Variants in TBC1D19 observed in about 807,000 individuals in gnomAD.
The protein encoded by TBC1D19 is TBC1 domain family member 19.
A neutral mutation model predicts 89.0 loss-of-function variants in TBC1D19; 60 were observed. That is an observed-to-expected ratio of 0.67 (90% CI 0.55 to 0.84). The LOEUF (loss-of-function observed/expected upper bound fraction) is 0.84. TBC1D19 is among the 40% of genes least tolerant of loss of function. The pLI, the probability that TBC1D19 is intolerant of heterozygous loss-of-function variation, is 0.00. For missense variants in TBC1D19, 500 were observed against 610.8 expected (o/e 0.82, Z 1.91); for synonymous variants, 189 against 199.7 (o/e 0.95, Z 0.45).
chr4:26,778,284 C>T, the TBC1D19 span, among the ~76,000 whole-genome samples: 283 of 151,918 alleles, frequency 1.9e-3, 1 homozygote, highest in African/African-American at 6.5e-3. Context: ...GGCATGGTGG[C>T]GGGAGCCTGT....
chr4:26,694,784 G>T (rs1291058173), intron 13 of TBC1D19, among the ~76,000 whole-genome samples: 1 of 152,214 alleles, frequency 6.6e-6, no homozygotes, highest in Admixed American at 6.5e-5. Flanking sequence ...GGCAAACAGG[G>T]TCTGGAGTGG....
chr4:26,581,773 C>T (rs929457920), upstream of TBC1D19, among the ~76,000 whole-genome samples: 1 of 152,154 alleles, frequency 6.6e-6, no homozygotes, highest in Non-Finnish European at 1.5e-5. Flanking sequence ...TCCTTTGGGA[C>T]TGAAATTTCT....
the TBC1D19 span, among the ~76,000 whole-genome samples, chr4:26,834,227 C>T: frequency 6.6e-6 from 1 of 152,188 alleles, no homozygotes; most frequent in African/African-American, 2.4e-5. Flanking sequence ...GCCAATTAAA[C>T]CTCTTTTCTT....
At chr4:26,695,312 G>T (rs58544944) in intron 13 of TBC1D19, among the ~76,000 whole-genome samples, 5 of 152,154 alleles carry the variant, frequency 3.3e-5, no homozygotes, top group African/African-American at 1.2e-4. Context: ...AGAGAAAAAA[G>T]AATAAAAAGA....
At position 26,645,208 on chromosome 4, in the gene TBC1D19, A is replaced by T. The variant is rs565034023; in HGVS notation, c.480+5021A>T. ...GCCCGCAGTGCCAAGACAATCCTAA[A>T]CAAAAAGAACAAAGCTGGAGGCATC... is the stretch of plus-strand genomic sequence containing the variant. On this transcript the variant is annotated intron_variant, in intron 7 of 20. Coordinates refer to ENST00000264866, the MANE Select transcript of TBC1D19 (RefSeq NM_018317.4). Among the ~76,000 whole-genome samples, 17 of 152,260 alleles carry T rather than the reference A, an allele frequency of 1.1e-4. No homozygotes were observed. The South Asian group carries it at 3.5e-3, about 32-fold the overall frequency.
At position 26,735,989 on chromosome 4, in the gene TBC1D19, G is replaced by A. The variant is rs992067548; in HGVS notation, c.1117+502G>A. On this transcript the variant is annotated intron_variant, in intron 16 of 20. Coordinates refer to ENST00000264866, the MANE Select transcript of TBC1D19 (RefSeq NM_018317.4). ...CAACCATTGTGGAAGTCAGTGTGGC[G>A]ATTCCTCAGGGATCTAGAACTAGAA... Among the ~76,000 whole-genome samples, 3 of 146,470 alleles carry A rather than the reference G, an allele frequency of 2.0e-5. 1 individual carries two copies. In the South Asian group the frequency reaches 7.0e-4, roughly 34 times the overall value.
chr4:26,751,991 A>G (rs1718990341), intron 19 of TBC1D19, among the ~76,000 whole-genome samples: 1 of 152,160 alleles, frequency 6.6e-6, no homozygotes, highest in African/African-American at 2.4e-5. Flanking sequence ...GGTTAGATGC[A>G]CAACTCCAGA....
At chr4:26,623,652 A>T (rs1255102823) in intron 4 of TBC1D19, among the ~76,000 whole-genome samples, 1 of 152,148 alleles carries the variant, frequency 6.6e-6, no homozygotes, top group Non-Finnish European at 1.5e-5. Flanking sequence ...TTTTAAAATG[A>T]CCATCTCTTC....
the TBC1D19 span, among the ~76,000 whole-genome samples, chr4:26,853,529 A>T: frequency 7.2e-5 from 11 of 152,146 alleles, no homozygotes; most frequent in African/African-American, 2.4e-4. Flanking sequence ...CAGTTAGAGA[A>T]ACAACTTTTT....
At chr4:26,740,322 T>C (rs1428097439) in intron 17 of TBC1D19, among the ~76,000 whole-genome samples, 3 of 152,214 alleles carry the variant, frequency 2.0e-5, no homozygotes, top group African/African-American at 4.8e-5. Context: ...TCTCTAGTGC[T>C]GTAGAAAAGT....
downstream of TBC1D19, among the ~76,000 whole-genome samples, chr4:26,759,200 C>T (rs1350687691): frequency 6.6e-6 from 1 of 152,172 alleles, no homozygotes; most frequent in Non-Finnish European, 1.5e-5. Flanking sequence ...GACTGTGACT[C>T]CTTGAGGACA....
At chr4:26,772,552 A>G in the TBC1D19 span, among the ~76,000 whole-genome samples, 1 of 152,070 alleles carries the variant, frequency 6.6e-6, no homozygotes, top group African/African-American at 2.4e-5. Flanking sequence ...TTTGCTGCAC[A>G]GATCATCCCA....
chr4:26,632,369 A>G (rs982073681), intron 4 of TBC1D19, among the ~76,000 whole-genome samples: 4 of 150,948 alleles, frequency 2.6e-5, no homozygotes, highest in Non-Finnish European at 5.9e-5. Context: ...TATGTTATAT[A>G]TATTATATAC....
At chr4:26,689,301 G>A (rs1355429637) in intron 13 of TBC1D19, among the ~76,000 whole-genome samples, 1 of 151,870 alleles carries the variant, frequency 6.6e-6, no homozygotes, top group African/African-American at 2.4e-5. Context: ...TTTTTAAGTA[G>A]TGGACTTAAA....
At chr4:26,782,963 G>A in the TBC1D19 span, among the ~76,000 whole-genome samples, 5 of 152,144 alleles carry the variant, frequency 3.3e-5, no homozygotes, top group African/African-American at 1.2e-4. Flanking sequence ...TGTGAGTCAT[G>A]TATCTAATCT....
Position 26,735,453 on chromosome 4 carries a change from A to G in TBC1D19, c.1085-2A>G, listed in dbSNP as rs759307285. The G allele has an allele frequency of 1.5e-6, 2 of 1,305,384 alleles. No homozygotes were observed. Among genetic ancestry groups the G allele is most frequent in the Admixed American group, 5.3e-5 (2 of 37,560 alleles). 80.9% of individuals were successfully genotyped at this position (1,305,384 alleles called of 1,614,324 possible). A position where few individuals can be genotyped will look rare whatever the true frequency, so the allele number is the denominator to read the frequency against. The stretch of plus-strand genomic sequence containing the variant: ...TGAAAAGAAATACCTTTTTTTTTTT[A>G]GGTGTTATCCCTTTTCATGGATTTT... On this transcript the variant is annotated splice_acceptor_variant, in intron 15 of 20. Coordinates refer to ENST00000264866, the MANE Select transcript of TBC1D19 (RefSeq NM_018317.4). LOFTEE classifies it high-confidence loss of function.
intron 1 of TBC1D19, among the ~76,000 whole-genome samples, chr4:26,608,390 A>C (rs1431943545): frequency 6.6e-6 from 1 of 152,196 alleles, no homozygotes; most frequent in East Asian, 1.9e-4. Flanking sequence ...ATTGTTTGGT[A>C]ATATCATTTT....
At chr4:26,814,632 A>G in the TBC1D19 span, among the ~76,000 whole-genome samples, 3 of 152,314 alleles carry the variant, frequency 2.0e-5, 1 homozygote, top group Middle Eastern at 0.01. Context: ...TTCCTTTTCC[A>G]TCCTCTGCCA....
At chr4:26,593,220 G>C (rs1466890903) in intron 1 of TBC1D19, among the ~76,000 whole-genome samples, 5 of 151,926 alleles carry the variant, frequency 3.3e-5, no homozygotes, top group Admixed American at 2.6e-4. Flanking sequence ...ACAAACCTGA[G>C]AAAAACAAGC....
Sources: allele counts gnomAD v4.1 joint callset (sites outside exome capture counted in the v4.1 genomes callset), GRCh38; gene constraint gnomAD v4.1.1; transcripts MANE v1.5; gene names NCBI Gene and HGNC (gene_info 2026-07-23, HGNC 2026-07-21).